VMP1: variants seen among roughly 807,000 people sequenced by gnomAD.
The protein encoded by VMP1 is ectopic P-granules autophagy protein 3 homolog.
In VMP1, 11 loss-of-function variants were observed where a neutral mutation model predicts 56.0. The ratio of observed to expected loss-of-function variants is 0.20; its 90% confidence interval spans 0.12 to 0.32. The LOEUF is 0.32. Ranked by LOEUF, VMP1 falls within the 10% of genes least tolerant of loss-of-function variation. The pLI is 1.00. For missense variants in VMP1, 296 were observed against 490.3 expected, an observed-to-expected ratio of 0.60 and a Z score of 3.74; for synonymous variants, 149 against 165.0, an observed-to-expected ratio of 0.90 and a Z score of 0.74.
intron 5 of VMP1, among the ~76,000 whole-genome samples, chr17:59,763,861 G>A (rs1015241541): frequency 2.0e-5 from 3 of 152,122 alleles, no homozygotes; most frequent in Admixed American, 6.5e-5. Flanking sequence ...AAAATCTCGT[G>A]TATATATATG....
At chr17:59,765,374 A>G (rs920796152) in intron 6 of VMP1, among the ~76,000 whole-genome samples, 7 of 152,242 alleles carry the variant, frequency 4.6e-5, no homozygotes, top group African/African-American at 1.7e-4. Context: ...AGTAGACTCC[A>G]GCAGGGCAAG....
chr17:59,813,222 AG>A (rs2038112822), intron 9 of VMP1, among the ~76,000 whole-genome samples: 1 of 152,202 alleles, frequency 6.6e-6, no homozygotes, highest in African/African-American at 2.4e-5. Context: ...ATTTAAATTA[AG>A]TATTTTGTTC....
chr17:59,833,496 A>G (rs1165773660), intron 10 of VMP1, among the ~76,000 whole-genome samples: 3 of 152,180 alleles, frequency 2.0e-5, no homozygotes, highest in African/African-American at 7.2e-5. Flanking sequence ...TCTACAAAAT[A>G]TAAAAAGAAA....
intron 5 of VMP1, among the ~76,000 whole-genome samples, chr17:59,759,878 G>A (rs1431122920): frequency 8.6e-6 from 1 of 116,460 alleles, no homozygotes; most frequent in Non-Finnish European, 1.9e-5. Flanking sequence ...TTTTTGTTTT[G>A]TTTTGTTTTG....
intron 7 of VMP1, among the ~76,000 whole-genome samples, chr17:59,806,600 A>G (rs2144200641): frequency 6.6e-6 from 1 of 151,994 alleles, no homozygotes; most frequent in East Asian, 1.9e-4. Context: ...CTGTAATCCC[A>G]GCTGCTCAGG....
At chr17:59,794,210 G>A (rs1248770179) in intron 7 of VMP1, among the ~76,000 whole-genome samples, 4 of 129,276 alleles carry the variant, frequency 3.1e-5, no homozygotes, top group African/African-American at 9.0e-5. Context: ...GTGAGTCACC[G>A]CACCCGGCCT....
chr17:59,790,130 C>T (rs2037173660), intron 7 of VMP1, among the ~76,000 whole-genome samples: 1 of 151,880 alleles, frequency 6.6e-6, no homozygotes, highest in Non-Finnish European at 1.5e-5. Context: ...CATGAGCCAC[C>T]GTGTTTGGCT....
intron 3 of VMP1, among the ~76,000 whole-genome samples, chr17:59,736,995 C>G (rs1395253212): frequency 1.3e-5 from 2 of 151,828 alleles, no homozygotes. Flanking sequence ...GAGCTGAGGT[C>G]GCACCACTGC....
chr17:59,762,563 G>A (rs574130983), intron 5 of VMP1, among the ~76,000 whole-genome samples: 3 of 152,224 alleles, frequency 2.0e-5, no homozygotes, highest in Admixed American at 1.3e-4. Flanking sequence ...AATAGAACTT[G>A]TGAGGTTTCC....
chr17:59,747,139 C>T (rs1174353481), intron 5 of VMP1, among the ~76,000 whole-genome samples: 1 of 152,218 alleles, frequency 6.6e-6, no homozygotes, highest in Non-Finnish European at 1.5e-5. Flanking sequence ...TCAAATGGCT[C>T]TACTAAGCCA....
intron 6 of VMP1, among the ~76,000 whole-genome samples, chr17:59,769,423 A>G (rs1411539524): frequency 1.3e-5 from 2 of 152,178 alleles, no homozygotes; most frequent in African/African-American, 4.8e-5. Flanking sequence ...TTCTTAATAT[A>G]AAAGCACCTT....
intron 3 of VMP1, 75 bp downstream of exon 3, chr17:59,735,548 T>C (rs763382911): frequency 1.6e-5 from 24 of 1,518,558 alleles, no homozygotes; most frequent in Non-Finnish European, 2.2e-5. Flanking sequence ...AATCTCTTAC[T>C]TTCTGCCCTC....
At chr17:59,832,761 A>AT (rs71145580) in intron 10 of VMP1, among the ~76,000 whole-genome samples, 44,175 of 101,528 alleles carry the variant, frequency 0.44, 9,620 homozygotes, top group Non-Finnish European at 0.49. Context: ...GCCTGGCAAT[A>AT]TTTTTTTTTT....
intron 6 of VMP1, among the ~76,000 whole-genome samples, chr17:59,767,974 GTGGCTCACACC>G (rs2036289439): frequency 6.6e-6 from 1 of 151,898 alleles, no homozygotes; most frequent in Admixed American, 6.6e-5. Flanking sequence ...GCTGGGCATG[GTGGCTCACACC>G]TGTATTCTCA....
intron 9 of VMP1, among the ~76,000 whole-genome samples, chr17:59,817,354 T>G (rs2038279512): frequency 6.6e-6 from 1 of 151,482 alleles, no homozygotes; most frequent in South Asian, 2.1e-4. Flanking sequence ...TTTATTTTAT[T>G]TTATTTTATT....
intron 5 of VMP1, among the ~76,000 whole-genome samples, chr17:59,742,265 TG>T (rs1383932994): frequency 1.3e-5 from 2 of 152,086 alleles, no homozygotes; most frequent in Non-Finnish European, 2.9e-5. Flanking sequence ...CCCAGTGCTT[TG>T]GGAGGCCAAG....
chr17:59,729,497 A>T (rs1425901685), intron 1 of VMP1, among the ~76,000 whole-genome samples: 1 of 150,622 alleles, frequency 6.6e-6, no homozygotes, highest in Non-Finnish European at 1.5e-5. Context: ...AAAAAAAAAA[A>T]CCTTTGGTCT....
At chr17:59,772,206 G>T (rs1279328798) in intron 6 of VMP1, among the ~76,000 whole-genome samples, 1 of 151,440 alleles carries the variant, frequency 6.6e-6, no homozygotes, top group African/African-American at 2.4e-5. Context: ...GCCGAGGCTG[G>T]TCTCAAACTC....
rs1419965043 is a variant in VMP1 at position 59,735,452 on chromosome 17, T to C, written c.191T>C (p.Ile64Thr). The C allele has an allele frequency of 1.2e-6, 2 of 1,614,152 alleles. No individual in the cohort carries two copies. The highest frequency in any genetic ancestry group is 1.3e-5 in the African/African-American group (1 of 75,054). Residue 64 changes from isoleucine to threonine, a missense_variant, in exon 3 of 12, where the codon ATC becomes ACC. Around this residue, in one of 4 missense-constraint regions of VMP1, gnomAD observed 69 missense variants for 76.6 expected, o/e 0.90. Transcript: ENST00000262291. ...LQYFSLEILVILKEWTSKLWH... is the reference protein window; with the variant it reads ...LQYFSLEILVTLKEWTSKLWH... Reference sequence around the variant, plus strand: ...TATTTTTCTCTGGAAATCCTTGTAATCTTGAAGGAATGGACCTCAAAGTAA... The same window carrying C: ...TATTTTTCTCTGGAAATCCTTGTAACCTTGAAGGAATGGACCTCAAAGTAA...
Sources: allele counts gnomAD v4.1 joint callset (sites outside exome capture counted in the v4.1 genomes callset), GRCh38; gene constraint gnomAD v4.1.1; regional missense constraint gnomAD v4.1.1; transcripts MANE v1.5; gene names NCBI Gene and HGNC (gene_info 2026-07-23, HGNC 2026-07-21).